Variants in GALNT13 observed in about 807,000 individuals in gnomAD.
GALNT13 encodes the protein polypeptide N-acetylgalactosaminyltransferase 13.
Under a neutral mutation model 64.2 loss-of-function variants are expected in GALNT13, and 28 were observed. That is an observed-to-expected ratio of 0.44 (90% CI 0.32 to 0.60). The LOEUF is 0.60. Ranked by LOEUF, GALNT13 falls within the 20% of genes least tolerant of loss-of-function variation. GALNT13 has a pLI of 0.05. For missense variants in GALNT13, 577 were observed against 669.8 expected, an observed-to-expected ratio of 0.86 and a Z score of 1.53; for synonymous variants, 214 against 224.6, an observed-to-expected ratio of 0.95 and a Z score of 0.42.
intron 3 of GALNT13, among the ~76,000 whole-genome samples, chr2:154,072,126 T>C (rs532520299): frequency 6.6e-6 from 1 of 152,134 alleles, no homozygotes; most frequent in Non-Finnish European, 1.5e-5. Context: ...ATGGAAAACA[T>C]GGAAAAGTGG....
chr2:153,313,786 TTAACACTTATG>T, the GALNT13 span, among the ~76,000 whole-genome samples: 1 of 152,224 alleles, frequency 6.6e-6, no homozygotes, highest in Non-Finnish European at 1.5e-5. Context: ...AATAGAAATA[TTAACACTTATG>T]TAACACTTAT....
chr2:154,334,742 A>G (rs1449547839), intron 9 of GALNT13, among the ~76,000 whole-genome samples: 1 of 152,016 alleles, frequency 6.6e-6, no homozygotes, highest in Non-Finnish European at 1.5e-5. Flanking sequence ...TACTTGGTTT[A>G]TTATAATACA....
chr2:154,026,740 A>G (rs561287500), intron 3 of GALNT13, among the ~76,000 whole-genome samples: 1 of 152,306 alleles, frequency 6.6e-6, no homozygotes, highest in East Asian at 1.9e-4. Flanking sequence ...CCCTAGCTCC[A>G]AATACATTCA....
chr2:153,571,168 T>G, the GALNT13 span, among the ~76,000 whole-genome samples: 11 of 151,982 alleles, frequency 7.2e-5, no homozygotes, highest in Non-Finnish European at 1.3e-4. Flanking sequence ...GTAGAGGTCT[T>G]TTATTTCTTT....
chr2:154,063,185 A>T (rs1700283411), intron 3 of GALNT13, among the ~76,000 whole-genome samples: 1 of 152,050 alleles, frequency 6.6e-6, no homozygotes, highest in South Asian at 2.1e-4. Context: ...TATATATCAC[A>T]TTCTCTTAAG....
the GALNT13 span, among the ~76,000 whole-genome samples, chr2:153,154,587 A>G: frequency 6.6e-6 from 1 of 152,090 alleles, no homozygotes; most frequent in South Asian, 2.1e-4. Flanking sequence ...TGATTTTTGC[A>G]CATTGACTTT....
At chr2:153,730,119 A>C in the GALNT13 span, among the ~76,000 whole-genome samples, 20 of 152,024 alleles carry the variant, frequency 1.3e-4, no homozygotes, top group African/African-American at 4.6e-4. Flanking sequence ...CAGAAAAAAA[A>C]AGTCTGAATC....
chr2:154,343,727 A>T (rs1034227355), intron 9 of GALNT13, among the ~76,000 whole-genome samples: 1 of 152,066 alleles, frequency 6.6e-6, no homozygotes, highest in Non-Finnish European at 1.5e-5. Flanking sequence ...ACAGTGAATT[A>T]AGTTCATCCC....
chr2:154,127,992 A>G (rs2105537389), intron 3 of GALNT13, among the ~76,000 whole-genome samples: 1 of 152,052 alleles, frequency 6.6e-6, no homozygotes, highest in East Asian at 1.9e-4. Flanking sequence ...ACAATTCTAT[A>G]ATGTAATCTT....
chr2:153,337,131 T>G, the GALNT13 span, among the ~76,000 whole-genome samples: 1 of 152,180 alleles, frequency 6.6e-6, no homozygotes, highest in Non-Finnish European at 1.5e-5. Flanking sequence ...AAAAATGGAC[T>G]AATACAGCAA....
chr2:153,318,087 T>C, the GALNT13 span, among the ~76,000 whole-genome samples: 1 of 150,844 alleles, frequency 6.6e-6, no homozygotes, highest in South Asian at 2.1e-4. Flanking sequence ...GCTAATATCT[T>C]TGCAACCTAG....
intron 3 of GALNT13, among the ~76,000 whole-genome samples, chr2:153,946,111 T>G (rs940350590): frequency 7.2e-5 from 11 of 152,146 alleles, no homozygotes; most frequent in Non-Finnish European, 1.6e-4. Flanking sequence ...TTTGTCAGAA[T>G]CAGTTGAGTT....
chr2:153,999,270 C>CTT (rs35266639), intron 3 of GALNT13, among the ~76,000 whole-genome samples: 1,760 of 141,346 alleles, frequency 0.012, 29 homozygotes, highest in African/African-American at 0.039. Flanking sequence ...TATGAACTTC[C>CTT]TTTTTTTTTT....
chr2:153,072,100 T>A, the GALNT13 span, among the ~76,000 whole-genome samples: 1 of 152,224 alleles, frequency 6.6e-6, no homozygotes, highest in African/African-American at 2.4e-5. Flanking sequence ...ATATTTCAGT[T>A]CTTCTAATAA....
chr2:153,720,496 G>T, the GALNT13 span, among the ~76,000 whole-genome samples: 1 of 151,590 alleles, frequency 6.6e-6, no homozygotes. Context: ...GAAGGCTTCA[G>T]ACGATCAAAT....
At chr2:153,099,399 A>G in the GALNT13 span, among the ~76,000 whole-genome samples, 136 of 152,336 alleles carry the variant, frequency 8.9e-4, 2 homozygotes, top group East Asian at 0.023. Context: ...TGAGCTACAC[A>G]TAACTCAAAT....
rs1014373190 is a variant in GALNT13, at chr2:154,428,791, T to TA, written c.1396-9801_1396-9800insA. Among the ~76,000 whole-genome samples the TA allele has an allele frequency of 3.3e-4, 50 of 151,596 alleles. No homozygotes were observed. In the East Asian group the frequency reaches 3.3e-3, roughly 10 times the overall value. ...TATGATCAGTGATTTTTTTTTTTTT[T>TA]TTTTATTTGAGATGGAGTCTCGCTC... is the stretch of plus-strand genomic sequence containing the variant. On this transcript the variant is annotated intron_variant, in intron 11 of 12. Coordinates refer to ENST00000392825, the MANE Select transcript of GALNT13 (RefSeq NM_052917.4).
the GALNT13 span, among the ~76,000 whole-genome samples, chr2:153,862,460 T>C: frequency 6.6e-6 from 1 of 152,194 alleles, no homozygotes. Flanking sequence ...AATAATACTA[T>C]GTTGTTTATG....
chr2:153,288,530 G>A, the GALNT13 span, among the ~76,000 whole-genome samples: 1 of 152,186 alleles, frequency 6.6e-6, no homozygotes, highest in Admixed American at 6.5e-5. Flanking sequence ...CCTTTGCTGA[G>A]CCTGTTCGCT....
Sources: allele counts gnomAD v4.1 joint callset (sites outside exome capture counted in the v4.1 genomes callset), GRCh38; gene constraint gnomAD v4.1.1; transcripts MANE v1.5; gene names NCBI Gene and HGNC (gene_info 2026-07-23, HGNC 2026-07-21).